The following RNF220 variants were observed in gnomAD, a reference collection of about 807,000 sequenced individuals.
The protein encoded by RNF220 is E3 ubiquitin-protein ligase RNF220.
RNF220 carries 7 observed loss-of-function variants against 67.1 expected under a neutral mutation model. That is an observed-to-expected ratio of 0.10 (90% CI 0.06 to 0.20). The LOEUF (loss-of-function observed/expected upper bound fraction) is 0.20. Ranked by LOEUF, RNF220 falls within the 10% of genes least tolerant of loss-of-function variation. RNF220 has a pLI of 1.00. For missense variants in RNF220, 565 were observed against 740.3 expected, an observed-to-expected ratio of 0.76 and a Z score of 2.75; for synonymous variants, 270 against 283.2, an observed-to-expected ratio of 0.95 and a Z score of 0.47.
rs1319340910 is a variant in RNF220, at chr1:44,422,360, A to G, written c.625+9638A>G. Among the ~76,000 whole-genome samples the G allele has an allele frequency of 3.3e-5, 5 of 152,276 alleles. No homozygotes were observed. In the East Asian group the frequency reaches 9.6e-4, roughly 29 times the overall value. On this transcript the variant is annotated intron_variant, in intron 2 of 14. Coordinates refer to ENST00000361799, the MANE Select transcript of RNF220 (RefSeq NM_018150.4). ...TAAAAAAAAAAATCCTTAGAACAAC[A>G]AAAGTCTGGACGCATGGGCTTCCTT...
At chr1:44,479,412 G>A (rs753884051) in intron 2 of RNF220, among the ~76,000 whole-genome samples, 3 of 151,974 alleles carry the variant, frequency 2.0e-5, no homozygotes, top group South Asian at 2.1e-4. Context: ...CACCGCGCTC[G>A]GCCAACTTTG....
At chr1:44,443,575 G>A (rs1343339506) in intron 2 of RNF220, among the ~76,000 whole-genome samples, 1 of 152,174 alleles carries the variant, frequency 6.6e-6, no homozygotes, top group East Asian at 1.9e-4. Flanking sequence ...CAAGTCTTCA[G>A]CCTCCCGTTC....
chr1:44,620,293 CAT>C (rs1034361730), intron 3 of RNF220, among the ~76,000 whole-genome samples: 8 of 152,230 alleles, frequency 5.3e-5, no homozygotes, highest in African/African-American at 1.4e-4. Flanking sequence ...TGAGATAACA[CAT>C]GTTAAGGCCT....
rs139203628 is a variant in RNF220 at position 44,593,709 on chromosome 1, C to T, written c.626-20456C>T. Among the ~76,000 whole-genome samples the T allele has an allele frequency of 3.0e-3, 457 of 152,080 alleles. 3 individuals are homozygous for T. The highest frequency in any genetic ancestry group is 0.01 in the African/African-American group (417 of 41,468). ...CACCAGCCTGGGTGACAGAGTGAGA[C>T]CCTGTCTCAAAAAAATTTTTAAATG... On this transcript the variant is annotated intron_variant, in intron 2 of 14. Transcript: ENST00000361799.
At position 44,651,317 on chromosome 1, in the gene RNF220, CCTCT is replaced by C. The variant is rs1196091016; in HGVS notation, c.*550_*553del. ...GCCCATCCACCTCTTGGGGTACCTGCCTCTCTCTCTCCTGTGGTGTCCCTTCCCT... is the reference window on the plus strand; with the variant it reads ...GCCCATCCACCTCTTGGGGTACCTGCCTCTCTCCTGTGGTGTCCCTTCCCT... On this transcript the variant is annotated 3_prime_UTR_variant, in exon 15 of 15. Coordinates refer to ENST00000361799, the MANE Select transcript of RNF220 (RefSeq NM_018150.4). 5.6e-6 allele frequency: 1 copy of C among 178,228 alleles called. No individual in the cohort carries two copies. Among genetic ancestry groups the C allele is most frequent in the Non-Finnish European group, 1.2e-5 (1 of 81,710 alleles). The allele number at this position is 178,228 out of a possible 1,614,324, so 11.0% of individuals were successfully genotyped here. A position where few individuals can be genotyped will look rare whatever the true frequency, so the allele number is the denominator to read the frequency against.
At chr1:44,519,681 A>G (rs1659750735) in intron 2 of RNF220, among the ~76,000 whole-genome samples, 1 of 151,742 alleles carries the variant, frequency 6.6e-6, no homozygotes, top group African/African-American at 2.4e-5. Flanking sequence ...CAAGTTGTGA[A>G]CCTCCTTGAC....
At chr1:44,643,300 G>A (rs561840855) in intron 8 of RNF220, 1 of 152,400 alleles carries the variant, frequency 6.6e-6, no homozygotes, top group African/African-American at 2.4e-5. Flanking sequence ...TCCAGATGGA[G>A]TGAATAGCAT....
At chr1:44,570,053 A>G (rs1439655351) in intron 2 of RNF220, among the ~76,000 whole-genome samples, 2 of 152,174 alleles carry the variant, frequency 1.3e-5, no homozygotes, top group Non-Finnish European at 2.9e-5. Flanking sequence ...TTTGCAGCAC[A>G]AAGGAAGGAG....
At chr1:44,630,526 G>A (rs1644086040) in intron 5 of RNF220, among the ~76,000 whole-genome samples, 2 of 152,224 alleles carry the variant, frequency 1.3e-5, no homozygotes, top group South Asian at 4.1e-4. Context: ...CATGCAAGAC[G>A]CTGTGCTGGG....
At chr1:44,552,563 CTTCTTTTTTT>C (rs1171461384) in intron 2 of RNF220, among the ~76,000 whole-genome samples, 19 of 71,362 alleles carry the variant, frequency 2.7e-4, no homozygotes, top group Admixed American at 8.5e-4. Flanking sequence ...TTCTAAACTT[CTTCTTTTTTT>C]TTTTTTTTTT....
intron 2 of RNF220, among the ~76,000 whole-genome samples, chr1:44,560,689 G>C (rs541594232): frequency 1.2e-4 from 19 of 152,296 alleles, no homozygotes; most frequent in African/African-American, 3.6e-4. Context: ...AGCCACCCAA[G>C]TAGCTGGGAT....
In RNF220 at chr1:44,587,145, C is replaced by CTT. The variant is rs60300155; in HGVS notation, c.626-27001_626-27000dup. Among the ~76,000 whole-genome samples the CTT allele has an allele frequency of 1.1e-3, 137 of 124,116 alleles. 1 individual carries two copies. The highest frequency in any genetic ancestry group is 2.6e-3 in the African/African-American group (73 of 28,552). 81.4% of individuals were successfully genotyped at this position (124,116 alleles called of 152,430 possible). On this transcript the variant is annotated intron_variant, in intron 2 of 14. Transcript: ENST00000361799. ...ATTGTATCTTCTTCTCTTCTTCTTC[C>CTT]TTTTTTTTTTTTTTTTTTTTGAGAC...
intron 5 of RNF220, among the ~76,000 whole-genome samples, chr1:44,629,137 A>G (rs577238517): frequency 2.6e-5 from 4 of 152,324 alleles, no homozygotes; most frequent in East Asian, 1.9e-4. Context: ...AGTATGTTCA[A>G]TCAGCTTTCT....
chr1:44,632,404 C>CCGG lies in RNF220; in HGVS notation c.949+19_949+20insCGG. 1 of 1,601,360 alleles carries CCGG rather than the reference C, an allele frequency of 6.2e-7. No individual in the cohort carries two copies. Among genetic ancestry groups the CCGG allele is most frequent in the East Asian group, 2.2e-5 (1 of 44,494 alleles). ...CTGAATGGTGAGTCCTGCCCGGCCC[C>CCGG]TCCCTCCGCCCCACCCCCGGCCTCC... On this transcript the variant is annotated intron_variant, in intron 6 of 14. Coordinates refer to ENST00000361799, the MANE Select transcript of RNF220 (RefSeq NM_018150.4).
intron 2 of RNF220, among the ~76,000 whole-genome samples, chr1:44,542,072 G>C (rs911863976): frequency 6.6e-6 from 1 of 152,136 alleles, no homozygotes; most frequent in African/African-American, 2.4e-5. Flanking sequence ...CTCTGTTCCT[G>C]TACACTGGTC....
chr1:44,619,816 G>A (rs1337259576), intron 3 of RNF220, among the ~76,000 whole-genome samples: 3 of 152,172 alleles, frequency 2.0e-5, no homozygotes, highest in Non-Finnish European at 2.9e-5. Flanking sequence ...AGACTCCTCA[G>A]CCTCTGGGGG....
intron 1 of RNF220, among the ~76,000 whole-genome samples, chr1:44,409,525 G>A (rs1042529810): frequency 6.6e-6 from 1 of 152,216 alleles, no homozygotes; most frequent in Non-Finnish European, 1.5e-5. Context: ...AAAGTGAGAA[G>A]TGAACTAAAA....
At chr1:44,616,631 T>G (rs2148435631) in intron 3 of RNF220, among the ~76,000 whole-genome samples, 1 of 151,860 alleles carries the variant, frequency 6.6e-6, no homozygotes, top group African/African-American at 2.4e-5. Context: ...GGCCTGCCAG[T>G]GGCAGAAAGT....
intron 2 of RNF220, among the ~76,000 whole-genome samples, chr1:44,544,442 C>T (rs961372221): frequency 2.0e-5 from 3 of 152,212 alleles, no homozygotes; most frequent in Non-Finnish European, 4.4e-5. Context: ...CCAGTACTAG[C>T]CAGCACGAGG....
Sources: allele counts gnomAD v4.1 joint callset (sites outside exome capture counted in the v4.1 genomes callset), GRCh38; gene constraint gnomAD v4.1.1; transcripts MANE v1.5; gene names NCBI Gene and HGNC (gene_info 2026-07-23, HGNC 2026-07-21).